The following APAF1 variants were observed in gnomAD, a reference collection of about 807,000 sequenced individuals.
APAF1 encodes apoptotic protease-activating factor 1.
APAF1 carries 91 observed loss-of-function variants against 152.4 expected under a neutral mutation model. The observed-to-expected ratio is 0.60, with a 90% CI of 0.50 to 0.71. APAF1 has a LOEUF of 0.71. APAF1 is among the 30% of genes least tolerant of loss of function. The pLI is 0.00. For synonymous variants in APAF1, 484 were observed against 494.1 expected (o/e 0.98, Z 0.27); for missense variants, 1,283 against 1,472.0 (o/e 0.87, Z 2.10).
At chr12:98,678,720 T>A (rs2097689164) in intron 13 of APAF1, among the ~76,000 whole-genome samples, 1 of 152,152 alleles carries the variant, frequency 6.6e-6, no homozygotes, top group South Asian at 2.1e-4. Context: ...GCCTGACTTC[T>A]CCCTACTGTT....
At chr12:98,680,151 G>A in intron 13 of APAF1, 126 bp from the exon 14 acceptor site, 1 of 925,680 alleles carries the variant, frequency 1.1e-6, no homozygotes, top group South Asian at 1.7e-5. Context: ...TTTGGGAGTA[G>A]CTTTGCCAAG....
chr12:98,708,349 T>G (rs1258265239), intron 19 of APAF1, among the ~76,000 whole-genome samples: 1 of 152,194 alleles, frequency 6.6e-6, no homozygotes, highest in African/African-American at 2.4e-5. Flanking sequence ...AGTTACAACT[T>G]TAGGTAGAAC....
At chr12:98,714,724 C>T (rs201299555) in intron 21 of APAF1, among the ~76,000 whole-genome samples, 1 of 152,004 alleles carries the variant, frequency 6.6e-6, no homozygotes, top group Non-Finnish European at 1.5e-5. Context: ...GTGTCTCCTG[C>T]TTTAGCATCA....
chr12:98,683,861 C>T (rs2097695061), intron 15 of APAF1, among the ~76,000 whole-genome samples: 1 of 152,120 alleles, frequency 6.6e-6, no homozygotes, highest in African/African-American at 2.4e-5. Context: ...TCTGTTATCA[C>T]AGAGAGGAGG....
intron 14 of APAF1, among the ~76,000 whole-genome samples, chr12:98,682,927 A>G (rs1174262340): frequency 6.6e-6 from 1 of 152,190 alleles, no homozygotes; most frequent in Non-Finnish European, 1.5e-5. Flanking sequence ...CTATAGGTAC[A>G]TATATGTATA....
chr12:98,667,149 C>T (rs1333970666), intron 9 of APAF1, among the ~76,000 whole-genome samples: 28 of 151,312 alleles, frequency 1.9e-4, no homozygotes, highest in African/African-American at 6.8e-4. Context: ...ACTGTGTTGC[C>T]CAGGCTGGCA....
chr12:98,686,776 G>T lies in APAF1; in HGVS notation c.2207G>T (p.Arg736Leu), dbSNP rs751875283. ...TGGGATTTGAATCAAAAAGAATGTC[G>T]AAATACCATGTTTGGTCATACAAAT... ...KLWDLNQKEC[R>L]NTMFGHTNSV... The change falls in exon 16 of 27, where the codon CGA (arginine) becomes CTA (leucine). Residue 736 changes from arginine to leucine, a missense_variant. Transcript: ENST00000551964. 1.2e-6 allele frequency: 2 copies of T among 1,613,338 alleles called. No individual in the cohort carries two copies. Among genetic ancestry groups the T allele is most frequent in the Non-Finnish European group, 1.7e-6 (2 of 1,179,754 alleles).
intron 25 of APAF1, among the ~76,000 whole-genome samples, chr12:98,725,801 C>CAGAATG (rs1189586338): frequency 2.0e-5 from 3 of 152,180 alleles, no homozygotes; most frequent in Non-Finnish European, 4.4e-5. Context: ...CATTCTCTGC[C>CAGAATG]ATTAGCTTGA....
At chr12:98,683,415 A>G (rs2097694596) in intron 15 of APAF1, 141 bp downstream of exon 15, 2 of 860,912 alleles carry the variant, frequency 2.3e-6, no homozygotes, top group African/African-American at 3.4e-5. Context: ...CTGAAGCAAA[A>G]AAAAAATAGC....
intron 16 of APAF1, among the ~76,000 whole-genome samples, chr12:98,693,573 ACT>A (rs1184210339): frequency 6.6e-6 from 1 of 151,872 alleles, no homozygotes; most frequent in Non-Finnish European, 1.5e-5. Flanking sequence ...TTATCTTCAA[ACT>A]CTCTCTTGTT....
chr12:98,676,813 AT>A (rs2097687093), intron 12 of APAF1, among the ~76,000 whole-genome samples: 1 of 151,826 alleles, frequency 6.6e-6, no homozygotes. Flanking sequence ...CACCCAGCTA[AT>A]TTTTATCTTT....
At chr12:98,727,362 A>T in intron 26 of APAF1, 46 bp downstream of exon 26, 4 of 1,602,626 alleles carry the variant, frequency 2.5e-6, no homozygotes, top group Non-Finnish European at 3.4e-6. Context: ...AGCCTATATC[A>T]TACTTTCCAA....
chr12:98,689,365 T>A (rs1309960650), intron 16 of APAF1, among the ~76,000 whole-genome samples: 1 of 152,184 alleles, frequency 6.6e-6, no homozygotes, highest in Non-Finnish European at 1.5e-5. Flanking sequence ...GGATGTTTTT[T>A]GCCTTCGATT....
chr12:98,717,601 C>T (rs1395998932), intron 22 of APAF1, among the ~76,000 whole-genome samples: 1 of 152,008 alleles, frequency 6.6e-6, no homozygotes, highest in Non-Finnish European at 1.5e-5. Context: ...GTCTTGAACT[C>T]TGGACCTCAG....
At chr12:98,724,197 T>C (rs976157310) in intron 24 of APAF1, among the ~76,000 whole-genome samples, 2 of 152,204 alleles carry the variant, frequency 1.3e-5, no homozygotes, top group Non-Finnish European at 2.9e-5. Flanking sequence ...CTACCAGTCT[T>C]TCCAAACTAT....
At position 98,687,407 on chromosome 12, in the gene APAF1, A is replaced by C. The variant is rs2097699167; in HGVS notation, c.2304+534A>C. 2.0e-5 allele frequency among the ~76,000 whole-genome samples: 3 copies of C among 151,196 alleles called. No homozygotes were observed. The South Asian group carries it at 6.2e-4, about 31-fold the overall frequency. On this transcript the variant is annotated intron_variant, in intron 16 of 26. Transcript: ENST00000551964. ...TGTAATGTAGAATTTTTATTCTTTT[A>C]ATTTGAATTCTTAAATTTTAAGTGT...
chr12:98,660,897 G>A (rs367695748), intron 5 of APAF1, among the ~76,000 whole-genome samples: 3 of 152,298 alleles, frequency 2.0e-5, no homozygotes, highest in South Asian at 4.1e-4. Flanking sequence ...AGAATATAGG[G>A]TGAGAAGAGT....
intron 20 of APAF1, 108 bp from the exon 21 acceptor site, chr12:98,712,211 T>A: frequency 1.4e-6 from 1 of 737,058 alleles, no homozygotes; most frequent in Non-Finnish European, 2.5e-6. Flanking sequence ...GAGCTCTTGT[T>A]GGTTATTTTC....
At chr12:98,710,071 G>A (rs1002075567) in intron 20 of APAF1, among the ~76,000 whole-genome samples, 3 of 151,768 alleles carry the variant, frequency 2.0e-5, no homozygotes, top group African/African-American at 7.3e-5. Flanking sequence ...ACAGGCTTGT[G>A]CCATGTTGGC....
Sources: allele counts gnomAD v4.1 joint callset (sites outside exome capture counted in the v4.1 genomes callset), GRCh38; gene constraint gnomAD v4.1.1; transcripts MANE v1.5; gene names NCBI Gene and HGNC (gene_info 2026-07-23, HGNC 2026-07-21).